The following CFAP77 variants were observed in gnomAD, a reference collection of about 807,000 sequenced individuals.
CFAP77 encodes the protein cilia and flagella associated protein 77.
In CFAP77, 25 loss-of-function variants were observed where a neutral mutation model predicts 31.1. The ratio of observed to expected loss-of-function variants is 0.80; its 90% CI spans 0.59 to 1.12. CFAP77 has a LOEUF of 1.12. CFAP77 is among the 50% of genes most tolerant of loss of function. The pLI, the probability that CFAP77 is intolerant of heterozygous loss-of-function variation, is 0.00. For synonymous variants in CFAP77, 151 were observed against 159.9 expected, an observed-to-expected ratio of 0.94 and a Z score of 0.42; for missense variants, 377 against 397.3, an observed-to-expected ratio of 0.95 and a Z score of 0.44.
In CFAP77 at chr9:132,545,395, C is replaced by T. The variant is rs1010994384; in HGVS notation, c.732+2348C>T. Among the ~76,000 whole-genome samples, 1 of 151,936 alleles carries T rather than the reference C, an allele frequency of 6.6e-6. No individual in the cohort carries two copies. The highest frequency in any genetic ancestry group is 2.4e-5 in the African/African-American group (1 of 41,344). ...ACAGGAACCCAGGTGTGTCTGATGG[C>T]AGGGCCCAAGCCGAGACACATGACC... is the stretch of plus-strand genomic sequence containing the variant. On this transcript the variant is annotated intron_variant, in intron 5 of 5. Coordinates refer to ENST00000393216, the MANE Select transcript of CFAP77 (RefSeq NM_001282957.2). The surrounding 1 kb of genome is among the most constrained non-coding windows in gnomAD (Gnocchi z 4.6).
At position 132,460,147 on chromosome 9, in the gene CFAP77, A is replaced by G. The variant is rs555118429; in HGVS notation, c.196-38548A>G. ...TACCAGGGGATAGTTCAGAAAAGCT[A>G]CTCCATCCATTTCCTGCTGTTGCTC... is the stretch of plus-strand genomic sequence containing the variant. On this transcript the variant is annotated intron_variant, in intron 1 of 5. Transcript: ENST00000393216. Among the ~76,000 whole-genome samples the G allele has an allele frequency of 1.1e-4, 17 of 152,032 alleles. No homozygotes were observed. The East Asian group carries it at 2.9e-3, about 26-fold the overall frequency.
At chr9:132,444,974 CTTTTTT>C (rs564127221) in intron 1 of CFAP77, among the ~76,000 whole-genome samples, 1 of 133,778 alleles carries the variant, frequency 7.5e-6, no homozygotes, top group Non-Finnish European at 1.6e-5. Context: ...TTCTTTCTTT[CTTTTTT>C]TTTTTTTTTT....
intron 3 of CFAP77, among the ~76,000 whole-genome samples, chr9:132,515,752 A>G (rs1025420211): frequency 2.0e-5 from 3 of 152,056 alleles, no homozygotes; most frequent in African/African-American, 7.2e-5. Flanking sequence ...AAGCCTGAAG[A>G]CTCGAGACTC....
chr9:132,530,633 T>C (rs557781663), intron 3 of CFAP77, among the ~76,000 whole-genome samples: 1 of 152,278 alleles, frequency 6.6e-6, no homozygotes, highest in South Asian at 2.1e-4. Context: ...TTTGTTTTAC[T>C]GTTGAGTTTT....
intron 1 of CFAP77, among the ~76,000 whole-genome samples, chr9:132,478,719 A>T (rs1021004480): frequency 6.6e-6 from 1 of 152,210 alleles, no homozygotes; most frequent in Non-Finnish European, 1.5e-5. Flanking sequence ...GGAGATGCTC[A>T]TCTCAGCCTA....
rs542967530 is a variant in CFAP77 at position 132,495,227 on chromosome 9, T to A, written c.196-3468T>A. ...CTAAAGCTTCCACATGTTTCAGCAG[T>A]TATTGATTCCCAGGCAACCACACTA... is the stretch of plus-strand genomic sequence containing the variant. On this transcript the variant is annotated intron_variant, in intron 1 of 5. Coordinates refer to ENST00000393216, the MANE Select transcript of CFAP77 (RefSeq NM_001282957.2). The surrounding 1 kb of genome is among the most constrained non-coding windows in gnomAD (Gnocchi z 4.2). Among the ~76,000 whole-genome samples, 30 of 152,186 alleles carry A rather than the reference T, an allele frequency of 2.0e-4. No homozygotes were observed. Among genetic ancestry groups the A allele is most frequent in the African/African-American group, 7.0e-4 (29 of 41,524 alleles).
At chr9:132,453,232 A>C (rs963413975) in intron 1 of CFAP77, among the ~76,000 whole-genome samples, 1 of 152,180 alleles carries the variant, frequency 6.6e-6, no homozygotes, top group Admixed American at 6.5e-5. Context: ...GCTTTTTAAA[A>C]AGCCAATATA....
At chr9:132,549,237 G>T (rs1449604601) in intron 5 of CFAP77, among the ~76,000 whole-genome samples, 1 of 152,140 alleles carries the variant, frequency 6.6e-6, no homozygotes, top group Non-Finnish European at 1.5e-5. Flanking sequence ...ATGAAGATGG[G>T]CCGACCCCCA....
At chr9:132,482,210 G>T in intron 1 of CFAP77, 8 of 636,842 alleles carry the variant, frequency 1.3e-5, no homozygotes, top group Non-Finnish European at 1.9e-5. Flanking sequence ...TTTTCATAGG[G>T]AGCCTTTTTC....
In CFAP77 at chr9:132,513,244, T is replaced by C. The variant is rs181628080; in HGVS notation, c.524+13644T>C. 56 of 1,545,056 alleles carry C rather than the reference T, an allele frequency of 3.6e-5. No individual in the cohort carries two copies. In the East Asian group the frequency reaches 1.2e-3, roughly 34 times the overall value. On this transcript the variant is annotated intron_variant, in intron 3 of 5. Coordinates refer to ENST00000393216, the MANE Select transcript of CFAP77 (RefSeq NM_001282957.2). ...GCAAAACATTTTAACCAATCCTTTC[T>C]TTTGTGTTTATTAGAAAACTTTCCA... is the stretch of plus-strand genomic sequence containing the variant.
At chr9:132,450,408 A>T (rs1177354031) in intron 1 of CFAP77, among the ~76,000 whole-genome samples, 1 of 152,162 alleles carries the variant, frequency 6.6e-6, no homozygotes, top group African/African-American at 2.4e-5. Flanking sequence ...AGAGCAATAG[A>T]TGGCCTCAGG....
At chr9:132,546,385 C>T (rs566844772) in intron 5 of CFAP77, among the ~76,000 whole-genome samples, 40 of 152,292 alleles carry the variant, frequency 2.6e-4, no homozygotes, top group African/African-American at 5.3e-4. Context: ...GCCCCCACCC[C>T]GGCCCCATTA....
chr9:132,423,442 G>A (rs1313695244), intron 1 of CFAP77, among the ~76,000 whole-genome samples: 1 of 152,186 alleles, frequency 6.6e-6, no homozygotes, highest in Admixed American at 6.5e-5. Context: ...TGTGCTCACT[G>A]TGTGCCGGGC....
chr9:132,469,040 C>T (rs1378770289), intron 1 of CFAP77, among the ~76,000 whole-genome samples: 1 of 150,022 alleles, frequency 6.7e-6, no homozygotes, highest in East Asian at 2.0e-4. Flanking sequence ...ATCTTGGCCA[C>T]TTCCATCTTT....
intron 5 of CFAP77, among the ~76,000 whole-genome samples, chr9:132,560,276 G>A (rs1387111950): frequency 1.3e-5 from 2 of 152,128 alleles, no homozygotes; most frequent in Non-Finnish European, 2.9e-5. Context: ...GGTGATAATT[G>A]GCCACCAAGG....
chr9:132,425,692 G>A (rs1162963440), intron 1 of CFAP77, among the ~76,000 whole-genome samples: 2 of 152,094 alleles, frequency 1.3e-5, no homozygotes, highest in Non-Finnish European at 2.9e-5. Context: ...ATTTTGAGCT[G>A]ATAAACAGCT....
chr9:132,486,501 C>G (rs1170219076), intron 1 of CFAP77, among the ~76,000 whole-genome samples: 1 of 152,102 alleles, frequency 6.6e-6, no homozygotes, highest in South Asian at 2.1e-4. Flanking sequence ...CTGCTTCCTG[C>G]GAGTGACCTG....
Position 132,537,564 on chromosome 9 carries a change from C to T in CFAP77, c.525-37C>T, listed in dbSNP as rs377508525. 46 of 1,537,766 alleles carry T rather than the reference C, an allele frequency of 3.0e-5. No homozygotes were observed. In the African/African-American group the frequency reaches 3.7e-4, roughly 12 times the overall value. On this transcript the variant is annotated intron_variant, in intron 3 of 5. Transcript: ENST00000393216. ...GGGGAGCGGGTGCCTCTGGTCTTTC[C>T]GGGGCCTCAAGCTCTGTCTGGACTT...
chr9:132,558,435 T>G (rs944628504), intron 5 of CFAP77, among the ~76,000 whole-genome samples: 2 of 152,266 alleles, frequency 1.3e-5, no homozygotes, highest in Non-Finnish European at 2.9e-5. Flanking sequence ...CCAGGTGTGG[T>G]GGCTCATGCC....
Sources: gnomAD v4.1 joint callset for allele counts (sites outside exome capture counted in the v4.1 genomes callset) on GRCh38, gnomAD v4.1.1 for gene constraint, Gnocchi (gnomAD v3.1) non-coding constraint, MANE v1.5 for transcripts, NCBI Gene and HGNC (gene_info 2026-07-23, HGNC 2026-07-21) for gene names.